The following ARHGAP25 variants were observed in gnomAD, a reference collection of about 807,000 sequenced individuals.
ARHGAP25 encodes Rho GTPase activating protein 25, also known as rho GTPase-activating protein 25.
A neutral mutation model predicts 71.0 loss-of-function variants in ARHGAP25; 34 were observed. The ratio of observed to expected loss-of-function variants is 0.48; its 90% confidence interval spans 0.36 to 0.64. The LOEUF (loss-of-function observed/expected upper bound fraction) is 0.64, where lower values mean the gene tolerates loss of function less well. ARHGAP25 is among the 30% of genes least tolerant of loss of function. The pLI is 0.00. For missense variants in ARHGAP25, 706 were observed against 805.1 expected (o/e 0.88, Z 1.49); for synonymous variants, 282 against 296.5 (o/e 0.95, Z 0.50).
At chr2:68,819,763 T>G in intron 9 of ARHGAP25, 1 of 403,498 alleles carries the variant, frequency 2.5e-6, no homozygotes, top group Non-Finnish European at 4.4e-6. Flanking sequence ...TTGTGTAATA[T>G]TTCTCATTCC....
At chr2:68,777,774 A>G (rs1184818882) in intron 2 of ARHGAP25, among the ~76,000 whole-genome samples, 3 of 152,226 alleles carry the variant, frequency 2.0e-5, no homozygotes, top group African/African-American at 4.8e-5. Context: ...ATTTCTTAGA[A>G]AGAATAGTGT....
intron 1 of ARHGAP25, among the ~76,000 whole-genome samples, chr2:68,758,381 A>C (rs572608135): frequency 5.3e-5 from 8 of 152,124 alleles, no homozygotes; most frequent in African/African-American, 1.7e-4. Flanking sequence ...CTTTAGACCC[A>C]AAGATACAAA....
intron 2 of ARHGAP25, among the ~76,000 whole-genome samples, chr2:68,723,966 C>T (rs758703243): frequency 1.3e-5 from 2 of 151,964 alleles, no homozygotes; most frequent in African/African-American, 2.4e-5. Flanking sequence ...CCTGGACCTT[C>T]GGGCTCAAGT....
chr2:68,738,956 T>C (rs1476578076), intron 1 of ARHGAP25, among the ~76,000 whole-genome samples: 1 of 152,148 alleles, frequency 6.6e-6, no homozygotes, highest in Non-Finnish European at 1.5e-5. Flanking sequence ...TAAGTAAAAA[T>C]GTCTGTCCGT....
At chr2:68,733,709 A>G (rs1422512552), upstream of ARHGAP25, among the ~76,000 whole-genome samples, 1 of 152,216 alleles carries the variant, frequency 6.6e-6, no homozygotes, top group Non-Finnish European at 1.5e-5. Flanking sequence ...GATTTTCTCA[A>G]TGAAACGGGA....
chr2:68,816,832 T>C (rs1168621277), intron 7 of ARHGAP25: 1 of 153,144 alleles, frequency 6.5e-6, no homozygotes, highest in Non-Finnish European at 1.5e-5. Context: ...CATCCCAGAC[T>C]GACCTGAATT....
At chr2:68,753,029 G>A (rs1676267276) in intron 1 of ARHGAP25, among the ~76,000 whole-genome samples, 1 of 151,936 alleles carries the variant, frequency 6.6e-6, no homozygotes, top group Non-Finnish European at 1.5e-5. Flanking sequence ...TCCCAGTTAT[G>A]ACAACCAAAA....
chr2:68,816,279 C>A lies in ARHGAP25; in HGVS notation c.808-10C>A, dbSNP rs2103685164. Reference sequence around the variant, plus strand: ...TGGTAAATGATTTACTTGTGTAAATCTCTTCCCAGGCTCAGCAGGAGTTGA... The same window carrying A: ...TGGTAAATGATTTACTTGTGTAAATATCTTCCCAGGCTCAGCAGGAGTTGA... On this transcript the variant is annotated splice_polypyrimidine_tract_variant and intron_variant, in intron 6 of 10. Coordinates refer to ENST00000409202, the MANE Select transcript of ARHGAP25 (RefSeq NM_001007231.3). The A allele has an allele frequency of 6.2e-7, 1 of 1,611,300 alleles. No homozygotes were observed. The highest frequency in any genetic ancestry group is 1.7e-4 in the Middle Eastern group (1 of 6,058).
rs1411534203 is a variant in ARHGAP25 at position 68,826,491 on chromosome 2, C to G, written c.*297C>G. The stretch of plus-strand genomic sequence containing the variant: ...ACATTTGAGGCAGCACATCTCAGGA[C>G]CCAGGCAATAGACTGGCCCCAACTC... On this transcript the variant is annotated 3_prime_UTR_variant, in exon 11 of 11. Transcript: ENST00000409202. 4 of 480,788 alleles carry G rather than the reference C, an allele frequency of 8.3e-6. No individual in the cohort carries two copies. In the Admixed American group the frequency reaches 1.2e-4, roughly 14 times the overall value. The allele number at this position is 480,788 out of a possible 1,614,324, so 29.8% of individuals were successfully genotyped here.
intron 9 of ARHGAP25, among the ~76,000 whole-genome samples, chr2:68,820,064 T>C (rs1681530125): frequency 6.6e-6 from 1 of 152,212 alleles, no homozygotes; most frequent in South Asian, 2.1e-4. Context: ...AAGATTGTTT[T>C]TAAAAGGCAG....
intron 6 of ARHGAP25, 44 bp from the exon 7 acceptor site, chr2:68,816,245 C>A: frequency 6.6e-7 from 1 of 1,506,644 alleles, no homozygotes; most frequent in Non-Finnish European, 9.2e-7. Flanking sequence ...CATGGGCAGG[C>A]TCATTTACTG....
chr2:68,739,203 A>G (rs561809009), intron 1 of ARHGAP25, among the ~76,000 whole-genome samples: 1 of 152,190 alleles, frequency 6.6e-6, no homozygotes. Context: ...AGATGAGGTC[A>G]GCTTAGATTC....
chr2:68,813,440 T>C (rs767574714), intron 6 of ARHGAP25, 21 bp downstream of exon 6: 1 of 1,608,368 alleles, frequency 6.2e-7, no homozygotes, highest in African/African-American at 1.3e-5. Context: ...TAGAGTTAGT[T>C]GTCCTGCCTT....
chr2:68,821,618 C>T (rs906481861), intron 9 of ARHGAP25, among the ~76,000 whole-genome samples: 3 of 152,182 alleles, frequency 2.0e-5, no homozygotes, highest in African/African-American at 7.2e-5. Context: ...CCTACAGTTT[C>T]ACCAACAGAG....
In ARHGAP25 at chr2:68,816,329, G is replaced by C; in HGVS notation, c.848G>C (p.Arg283Pro). 6.2e-7 allele frequency: 1 copy of C among 1,613,818 alleles called. No individual in the cohort carries two copies. The highest frequency in any genetic ancestry group is 8.5e-7 in the Non-Finnish European group (1 of 1,179,838). The change falls in exon 7 of 11, where the codon CGT becomes CCT. Residue 283 changes from arginine (R) to proline (P), a missense_variant. Physicochemically the swap from Arg to Pro is moderately radical, Grantham distance 103. Transcript: ENST00000409202. ...ATGAAGCAGCTCTCCATCCTTCCTCGTGACAACTATAGTCTCCTGAGCTAC... is the reference window on the plus strand; with the variant it reads ...ATGAAGCAGCTCTCCATCCTTCCTCCTGACAACTATAGTCTCCTGAGCTAC... ...ELMKQLSILP[R>P]DNYSLLSYIC...
At chr2:68,779,217 T>A (rs2104383952) in intron 2 of ARHGAP25, among the ~76,000 whole-genome samples, 1 of 152,328 alleles carries the variant, frequency 6.6e-6, no homozygotes, top group South Asian at 2.1e-4. Context: ...CAACATTTGC[T>A]AATTTCTGTG....
chr2:68,775,525 A>G, intron 2 of ARHGAP25, 105 bp downstream of exon 2: 2 of 1,539,770 alleles, frequency 1.3e-6, no homozygotes, highest in Middle Eastern at 1.7e-4. Flanking sequence ...ATAGGACCAG[A>G]CACACCCATT....
chr2:68,713,342 C>T (rs890751025), intron 2 of ARHGAP25, among the ~76,000 whole-genome samples: 3 of 152,124 alleles, frequency 2.0e-5, no homozygotes, highest in African/African-American at 7.2e-5. Context: ...GTGATTTTTG[C>T]ACATTGATTT....
At chr2:68,814,855 T>A (rs996158748) in intron 6 of ARHGAP25, among the ~76,000 whole-genome samples, 2 of 152,210 alleles carry the variant, frequency 1.3e-5, no homozygotes, top group South Asian at 4.1e-4. Flanking sequence ...TGCATGGATC[T>A]GAGGTACGAT....
Sources: gnomAD v4.1 joint callset for allele counts (sites outside exome capture counted in the v4.1 genomes callset) on GRCh38, gnomAD v4.1.1 for gene constraint, MANE v1.5 for transcripts, NCBI Gene and HGNC (gene_info 2026-07-23, HGNC 2026-07-21) for gene names.